The following PBX1 variants were observed in gnomAD, a reference collection of about 807,000 sequenced individuals.
PBX1 encodes PBX homeobox 1, also known as pre-B-cell leukemia transcription factor 1.
A neutral mutation model predicts 53.4 loss-of-function variants in PBX1; 6 were observed. That is an observed-to-expected ratio of 0.11 (90% CI 0.06 to 0.22). PBX1 has a LOEUF of 0.22. Among genes scored for constraint, PBX1 ranks in the 10% least tolerant of loss-of-function variants. The pLI is 1.00. For missense variants in PBX1, 251 were observed against 551.4 expected (o/e 0.46, Z 5.46); for synonymous variants, 204 against 212.3 (o/e 0.96, Z 0.34).
chr1:164,668,984 G>A (rs936872917), intron 2 of PBX1, among the ~76,000 whole-genome samples: 2 of 152,110 alleles, frequency 1.3e-5, no homozygotes, highest in African/African-American at 4.8e-5. Flanking sequence ...TGTGTGTTAC[G>A]ATTCCCGCAG....
chr1:164,828,469 G>A (rs1167285408), intron 8 of PBX1: 1 of 152,182 alleles, frequency 6.6e-6, no homozygotes, highest in African/African-American at 2.4e-5. Context: ...GCAAGATTGT[G>A]TTTTGGGGAA....
chr1:164,630,394 G>C (rs1312255685), intron 2 of PBX1, among the ~76,000 whole-genome samples: 1 of 152,130 alleles, frequency 6.6e-6, no homozygotes, highest in Non-Finnish European at 1.5e-5. Flanking sequence ...ACTTGTAGGG[G>C]TGGTGTGGTG....
chr1:164,627,698 G>C (rs1658135833), intron 2 of PBX1, among the ~76,000 whole-genome samples: 1 of 152,146 alleles, frequency 6.6e-6, no homozygotes, highest in Non-Finnish European at 1.5e-5. Flanking sequence ...GCTTTTGTTG[G>C]GGGACAAGCA....
intron 4 of PBX1, among the ~76,000 whole-genome samples, chr1:164,802,419 G>A (rs74118208): frequency 0.016 from 2,437 of 152,186 alleles, 67 homozygotes; most frequent in African/African-American, 0.054. Context: ...CTGATTGTAC[G>A]ACTGAGGGCC....
At chr1:164,567,694 G>T (rs961861099) in intron 2 of PBX1, among the ~76,000 whole-genome samples, 9 of 152,284 alleles carry the variant, frequency 5.9e-5, no homozygotes, top group Non-Finnish European at 1.0e-4. Context: ...AGTCACTTTT[G>T]TGTATTCCAT....
chr1:164,590,228 G>A, intron 2 of PBX1: 1 of 390,064 alleles, frequency 2.6e-6, no homozygotes, highest in Non-Finnish European at 5.0e-6. Flanking sequence ...AAAAAAAGCT[G>A]GGGGTCAGGG....
intron 5 of PBX1, among the ~76,000 whole-genome samples, chr1:164,808,013 T>G (rs1669437807): frequency 6.6e-6 from 1 of 152,244 alleles, no homozygotes; most frequent in Admixed American, 6.5e-5. Flanking sequence ...TTCCTCATGC[T>G]GTTTTTTCAA....
intron 2 of PBX1, among the ~76,000 whole-genome samples, chr1:164,690,557 A>T (rs1215825131): frequency 1.3e-5 from 2 of 151,996 alleles, no homozygotes; most frequent in Non-Finnish European, 2.9e-5. Context: ...GCTTGAGCTT[A>T]GAAGTTTGAG....
At chr1:164,818,740 G>T (rs554803549) in intron 6 of PBX1, 1 of 151,812 alleles carries the variant, frequency 6.6e-6, no homozygotes, top group East Asian at 1.9e-4. Context: ...AGCCTAGATA[G>T]ATACCATAAA....
chr1:164,724,631 C>A (rs1298348203), intron 2 of PBX1, among the ~76,000 whole-genome samples: 1 of 111,386 alleles, frequency 9.0e-6, no homozygotes, highest in Non-Finnish European at 1.8e-5. Flanking sequence ...TGTCTAATAT[C>A]TTATTTTTCT....
intron 2 of PBX1, among the ~76,000 whole-genome samples, chr1:164,659,607 G>T (rs534992627): frequency 6.6e-6 from 1 of 152,260 alleles, no homozygotes; most frequent in Non-Finnish European, 1.5e-5. Flanking sequence ...CTATGTGAGT[G>T]GACACCTCCA....
At chr1:164,806,656 C>T (rs1197691907) in intron 4 of PBX1, among the ~76,000 whole-genome samples, 1 of 152,178 alleles carries the variant, frequency 6.6e-6, no homozygotes, top group Non-Finnish European at 1.5e-5. Flanking sequence ...TACATACCAG[C>T]CAAGTGACCT....
chr1:164,592,003 T>G (rs1381176835), intron 2 of PBX1, among the ~76,000 whole-genome samples: 1 of 152,122 alleles, frequency 6.6e-6, no homozygotes, highest in African/African-American at 2.4e-5. Flanking sequence ...ACAGGTATAA[T>G]TGATGAGTTA....
In PBX1 at chr1:164,851,776, T is replaced by A. The variant is rs1671852707; in HGVS notation, c.*5100T>A. 1.1e-5 allele frequency: 2 copies of A among 177,564 alleles called. No homozygotes were observed. Among genetic ancestry groups the A allele is most frequent in the South Asian group, 4.0e-4 (2 of 5,036 alleles). The allele number at this position is 177,564 out of a possible 1,614,324, so 11.0% of individuals were successfully genotyped here. Reference sequence around the variant, plus strand: ...CGGTGTAGGTTTTACAGTCTCCTAATTTGTACTGGTAATGCATATTCCAAA... The same window carrying A: ...CGGTGTAGGTTTTACAGTCTCCTAAATTGTACTGGTAATGCATATTCCAAA... On this transcript the variant is annotated 3_prime_UTR_variant, in exon 9 of 9. Coordinates refer to ENST00000420696, the MANE Select transcript of PBX1 (RefSeq NM_002585.4).
chr1:164,707,456 A>AGAGAGAGAGAGAGAGAGAGAGAGAGAG (rs1663501898), intron 2 of PBX1, among the ~76,000 whole-genome samples: 3 of 133,438 alleles, frequency 2.2e-5, no homozygotes, highest in Admixed American at 7.5e-5. Context: ...AGAGAGAGAG[A>AGAGAGAGAGAGAGAGAGAGAGAGAGAG]AAGTGCTGAA....
At chr1:164,830,334 C>T (rs964623032) in intron 8 of PBX1, among the ~76,000 whole-genome samples, 39 of 151,650 alleles carry the variant, frequency 2.6e-4, no homozygotes, top group African/African-American at 1.7e-4. Context: ...AGTGGGGTGA[C>T]GGTGTTAGAG....
intron 2 of PBX1, among the ~76,000 whole-genome samples, chr1:164,596,149 A>G (rs1269837210): frequency 6.6e-6 from 1 of 151,696 alleles, no homozygotes; most frequent in Non-Finnish European, 1.5e-5. Context: ...ATGCATTAAT[A>G]CATCAGGTAT....
rs759858407 is a variant in PBX1 at position 164,811,977 on chromosome 1, T to C, written c.838-13T>C. ...AAATGTGAACTTTCTCATCTTCTCT[T>C]AAACTACTCTAGGTATCAAACTGGT... On this transcript the variant is annotated splice_polypyrimidine_tract_variant and intron_variant, in intron 5 of 8. Coordinates refer to ENST00000420696, the MANE Select transcript of PBX1 (RefSeq NM_002585.4). The C allele has an allele frequency of 6.2e-7, 1 of 1,605,226 alleles. No homozygotes were observed. Among genetic ancestry groups the C allele is most frequent in the Non-Finnish European group, 8.5e-7 (1 of 1,175,198 alleles).
intron 4 of PBX1, among the ~76,000 whole-genome samples, chr1:164,802,946 T>C (rs1226682969): frequency 6.6e-6 from 1 of 152,152 alleles, no homozygotes; most frequent in Non-Finnish European, 1.5e-5. Flanking sequence ...TCTTAACTGT[T>C]TTTCTATAAC....
Sources: allele counts gnomAD v4.1 joint callset (sites outside exome capture counted in the v4.1 genomes callset), GRCh38; gene constraint gnomAD v4.1.1; transcripts MANE v1.5; gene names NCBI Gene and HGNC (gene_info 2026-07-23, HGNC 2026-07-21).